Variants in ZNF423 observed in about 807,000 individuals in gnomAD.
ZNF423 encodes the protein zinc finger protein 423, also known as Ebf-associated zinc finger protein.
A neutral mutation model predicts 95.8 loss-of-function variants in ZNF423; 12 were observed. That is an observed-to-expected ratio of 0.13 (90% CI 0.08 to 0.20). The LOEUF (loss-of-function observed/expected upper bound fraction) is 0.20. ZNF423 is among the 10% of genes least tolerant of loss of function. The pLI is 1.00. For missense variants in ZNF423, 1,316 were observed against 1,737.1 expected, an observed-to-expected ratio of 0.76 and a Z score of 4.31; for synonymous variants, 749 against 711.9, an observed-to-expected ratio of 1.05 and a Z score of -0.83.
chr16:49,566,665 G>A (rs1333676976), intron 5 of ZNF423, among the ~76,000 whole-genome samples: 1 of 152,186 alleles, frequency 6.6e-6, no homozygotes, highest in Non-Finnish European at 1.5e-5. Context: ...AATTACAAGA[G>A]AGCCAAGGCA....
chr16:49,684,549 C>T (rs2031489127), intron 3 of ZNF423, among the ~76,000 whole-genome samples: 1 of 152,190 alleles, frequency 6.6e-6, no homozygotes, highest in South Asian at 2.1e-4. Context: ...CCTGGTCATG[C>T]CTCTGTTAAA....
intron 3 of ZNF423, among the ~76,000 whole-genome samples, chr16:49,640,015 A>G (rs1043264119): frequency 2.0e-5 from 3 of 152,296 alleles, no homozygotes; most frequent in Non-Finnish European, 4.4e-5. Flanking sequence ...ATAATGAATG[A>G]AACAGACCGC....
chr16:49,548,731 C>T (rs950144810), intron 5 of ZNF423, among the ~76,000 whole-genome samples: 1 of 152,190 alleles, frequency 6.6e-6, no homozygotes, highest in African/African-American at 2.4e-5. Flanking sequence ...GACCTTGCTC[C>T]TCGCTGCCAG....
intron 2 of ZNF423, among the ~76,000 whole-genome samples, chr16:49,762,599 A>G (rs1251977254): frequency 6.6e-6 from 1 of 152,144 alleles, no homozygotes; most frequent in Admixed American, 6.5e-5. Flanking sequence ...ATTCTAGAAC[A>G]ATTTCCCCAG....
At chr16:49,807,085 C>A (rs1367913607) in intron 1 of ZNF423, among the ~76,000 whole-genome samples, 1 of 151,254 alleles carries the variant, frequency 6.6e-6, no homozygotes, top group Non-Finnish European at 1.5e-5. Flanking sequence ...GTTAAACATA[C>A]ACTACAGCAG....
chr16:49,714,851 G>A (rs111845940), intron 3 of ZNF423, among the ~76,000 whole-genome samples: 8,764 of 152,070 alleles, frequency 0.058, 527 homozygotes, highest in African/African-American at 0.16. Context: ...GGTTTGTCCC[G>A]CGGCCCCTGC....
intron 1 of ZNF423, among the ~76,000 whole-genome samples, chr16:49,849,140 T>G (rs1013837748): frequency 3.3e-5 from 5 of 152,184 alleles, no homozygotes; most frequent in Non-Finnish European, 1.5e-5. Context: ...TGGGATCACC[T>G]GATAGGATCG....
chr16:49,822,142 C>T (rs1288611998), intron 1 of ZNF423, among the ~76,000 whole-genome samples: 3 of 151,644 alleles, frequency 2.0e-5, no homozygotes, highest in African/African-American at 7.3e-5. Context: ...GCTGAAATGA[C>T]AACCCGTTTG....
intron 5 of ZNF423, among the ~76,000 whole-genome samples, chr16:49,595,151 G>A (rs1304890268): frequency 6.6e-6 from 1 of 152,168 alleles, no homozygotes; most frequent in Non-Finnish European, 1.5e-5. Flanking sequence ...GGGGTGGGGG[G>A]GTCTCTCTTG....
intron 5 of ZNF423, among the ~76,000 whole-genome samples, chr16:49,577,570 T>A (rs2151796879): frequency 6.6e-6 from 1 of 152,128 alleles, no homozygotes; most frequent in Admixed American, 6.5e-5. Context: ...AAGGGAAATG[T>A]GGTGCAAGAC....
chr16:49,692,514 A>G (rs969632803), intron 3 of ZNF423, among the ~76,000 whole-genome samples: 32 of 152,184 alleles, frequency 2.1e-4, no homozygotes, highest in African/African-American at 7.2e-4. Flanking sequence ...CAGCACCTTA[A>G]CCCATGCCTG....
intron 1 of ZNF423, among the ~76,000 whole-genome samples, chr16:49,801,129 A>G (rs1160977605): frequency 3.3e-5 from 5 of 152,210 alleles, no homozygotes; most frequent in African/African-American, 1.2e-4. Context: ...CTGTCAGAAG[A>G]GGAGCCAAGC....
At chr16:49,516,879 G>A (rs998620196) in intron 7 of ZNF423, among the ~76,000 whole-genome samples, 18 of 152,192 alleles carry the variant, frequency 1.2e-4, no homozygotes, top group African/African-American at 2.9e-4. Flanking sequence ...GGCTGCCACC[G>A]CTGTCACTAT....
At chr16:49,520,689 C>T (rs548496099) in intron 7 of ZNF423, among the ~76,000 whole-genome samples, 2 of 152,288 alleles carry the variant, frequency 1.3e-5, no homozygotes, top group South Asian at 2.1e-4. Flanking sequence ...CTCCCACTGC[C>T]CCACCCAAAC....
At chr16:49,748,696 G>A (rs924288186) in intron 2 of ZNF423, among the ~76,000 whole-genome samples, 7 of 152,184 alleles carry the variant, frequency 4.6e-5, no homozygotes, top group Admixed American at 6.5e-5. Context: ...TCTTTCCAGC[G>A]AAGCCCCTTT....
Position 49,814,080 on chromosome 16 carries a change from G to A in ZNF423, c.41-24534C>T, listed in dbSNP as rs1034198606. Among the ~76,000 whole-genome samples, 9 of 152,222 alleles carry A rather than the reference G, an allele frequency of 5.9e-5. No homozygotes were observed. In the South Asian group the frequency reaches 8.3e-4, roughly 14 times the overall value. The stretch of plus-strand genomic sequence containing the variant: ...AGGAAGTGACAGTTCCAGGGAAGGC[G>A]TGAGGTCGAAGGCTGTGGGCTGCCA... On this transcript the variant is annotated intron_variant, in intron 1 of 7. Coordinates refer to ENST00000563137, the MANE Select transcript of ZNF423 (RefSeq NM_001379286.1).
intron 2 of ZNF423, among the ~76,000 whole-genome samples, chr16:49,783,505 G>T (rs2034251491): frequency 6.8e-6 from 1 of 147,104 alleles, no homozygotes; most frequent in South Asian, 2.2e-4. Flanking sequence ...TAGCAGGCTG[G>T]GATGGGCGGG....
intron 3 of ZNF423, among the ~76,000 whole-genome samples, chr16:49,655,249 G>A (rs1479299306): frequency 1.3e-5 from 2 of 152,234 alleles, no homozygotes; most frequent in East Asian, 3.9e-4. Context: ...ACCAAGCCAA[G>A]GAGCCAAGAA....
Position 49,744,472 on chromosome 16 carries a change from C to T in ZNF423, c.101-13501G>A, listed in dbSNP as rs541466921. Among the ~76,000 whole-genome samples, 9 of 151,570 alleles carry T rather than the reference C, an allele frequency of 5.9e-5. No individual in the cohort carries two copies. In the South Asian group the frequency reaches 1.0e-3, roughly 18 times the overall value. On this transcript the variant is annotated intron_variant, in intron 2 of 7. Transcript: ENST00000563137. The stretch of plus-strand genomic sequence containing the variant: ...GCACACACATGGCCAGGTGGGGTGT[C>T]CCCAGGCCCAGCACACACGAGGCCA...
Sources: gnomAD v4.1 joint callset for allele counts (sites outside exome capture counted in the v4.1 genomes callset) on GRCh38, gnomAD v4.1.1 for gene constraint, MANE v1.5 for transcripts, NCBI Gene and HGNC (gene_info 2026-07-23, HGNC 2026-07-21) for gene names.